Variants in ASTN1 observed in about 807,000 individuals in gnomAD.
The protein encoded by ASTN1 is astrotactin-1.
In ASTN1, 41 loss-of-function variants were observed where a neutral mutation model predicts 140.7. The ratio of observed to expected loss-of-function variants is 0.29; its 90% CI spans 0.23 to 0.38. ASTN1 has a LOEUF of 0.38. ASTN1 is among the 10% of genes least tolerant of loss of function. ASTN1 has a pLI of 1.00. For synonymous variants in ASTN1, 640 were observed against 652.2 expected (o/e 0.98, Z 0.29); for missense variants, 1,479 against 1,678.8 (o/e 0.88, Z 2.08).
chr1:176,926,288 CAA>C (rs3041009), intron 16 of ASTN1, among the ~76,000 whole-genome samples: 26,809 of 131,192 alleles, frequency 0.2, 2,575 homozygotes, highest in African/African-American at 0.29. Flanking sequence ...AGTGCCTGCT[CAA>C]AAAAAAAAAA....
intron 16 of ASTN1, among the ~76,000 whole-genome samples, chr1:176,906,578 G>A (rs934327274): frequency 2.0e-5 from 3 of 152,154 alleles, no homozygotes; most frequent in African/African-American, 7.2e-5. Flanking sequence ...TTTGCGATGG[G>A]CCTCGTGGTT....
intron 1 of ASTN1, among the ~76,000 whole-genome samples, chr1:177,150,189 T>C (rs1682965827): frequency 6.6e-6 from 1 of 152,050 alleles, no homozygotes; most frequent in African/African-American, 2.4e-5. Context: ...AGTTGGGAGC[T>C]TAACTACCTT....
chr1:176,893,611 C>T (rs765650584), intron 17 of ASTN1, among the ~76,000 whole-genome samples: 8 of 152,214 alleles, frequency 5.3e-5, no homozygotes, highest in Non-Finnish European at 1.2e-4. Flanking sequence ...GAAACAAACA[C>T]CAGGTGTTCC....
At chr1:176,878,207 C>A (rs752222235) in intron 20 of ASTN1, among the ~76,000 whole-genome samples, 8 of 152,202 alleles carry the variant, frequency 5.3e-5, no homozygotes, top group Non-Finnish European at 7.3e-5. Flanking sequence ...CACCTGCTGG[C>A]CTCCTGCAGG....
chr1:177,081,847 A>C (rs185631168), intron 1 of ASTN1, among the ~76,000 whole-genome samples: 1 of 152,304 alleles, frequency 6.6e-6, no homozygotes, highest in East Asian at 1.9e-4. Context: ...GAGTCAAGCT[A>C]AGAGTGGTTT....
Position 176,864,144 on chromosome 1 carries a change from G to A in ASTN1, c.*140C>T. 1 of 1,494,162 alleles carries A rather than the reference G, an allele frequency of 6.7e-7. No homozygotes were observed. The highest frequency in any genetic ancestry group is 8.8e-7 in the Non-Finnish European group (1 of 1,129,966). The allele number at this position is 1,494,162 out of a possible 1,614,324, so 92.6% of individuals were successfully genotyped here. A position where few individuals can be genotyped will look rare whatever the true frequency, so the allele number is the denominator to read the frequency against. ...CTGAAGAAGTTCTGCAGGGAGCAAGGATCACTTTCTCCCTGGTTTCGATGT... is the reference window on the plus strand; with the variant it reads ...CTGAAGAAGTTCTGCAGGGAGCAAGAATCACTTTCTCCCTGGTTTCGATGT... On this transcript the variant is annotated 3_prime_UTR_variant, in exon 23 of 23. Transcript: ENST00000361833.
chr1:176,949,066 C>T, intron 12 of ASTN1, 119 bp downstream of exon 12: 5 of 1,385,084 alleles, frequency 3.6e-6, no homozygotes, highest in Non-Finnish European at 4.9e-6. Context: ...GCTCTTTCCT[C>T]AGAGACTAAG....
chr1:176,969,599 G>A (rs1458517522), intron 8 of ASTN1, among the ~76,000 whole-genome samples: 2 of 152,146 alleles, frequency 1.3e-5, no homozygotes, highest in African/African-American at 4.8e-5. Flanking sequence ...CAGCATTATT[G>A]AGCAGACTGT....
In ASTN1 at chr1:177,061,188, G is replaced by A. The variant is rs1485620000; in HGVS notation, c.361C>T (p.His121Tyr). 1 of 1,610,534 alleles carries A rather than the reference G, an allele frequency of 6.2e-7. No homozygotes were observed. The highest frequency in any genetic ancestry group is 8.5e-7 in the Non-Finnish European group (1 of 1,178,520). The change falls in exon 2 of 23, where the codon CAC becomes TAC. Residue 121 changes from histidine to tyrosine, a missense_variant. Coordinates refer to ENST00000361833, the MANE Select transcript of ASTN1 (RefSeq NM_004319.3). Reference protein sequence around the residue: ...QWLENGTLLFHIHHQDGAPSL... With the variant: ...QWLENGTLLFYIHHQDGAPSL... ...GGGGCACCATCTTGGTGATGAATGT[G>A]AAAAAGCAAAGTGCCATTCTCCAGC...
intron 1 of ASTN1, among the ~76,000 whole-genome samples, chr1:177,078,384 C>G (rs1383160680): frequency 1.3e-5 from 2 of 152,160 alleles, no homozygotes; most frequent in Non-Finnish European, 2.9e-5. Context: ...CTGTAAGCAA[C>G]AGTGCTCACC....
intron 1 of ASTN1, among the ~76,000 whole-genome samples, chr1:177,062,394 C>T (rs1248761197): frequency 6.6e-6 from 1 of 151,824 alleles, no homozygotes; most frequent in Non-Finnish European, 1.5e-5. Flanking sequence ...ACACACCACA[C>T]CATGCTCAGC....
intron 2 of ASTN1, among the ~76,000 whole-genome samples, chr1:177,058,752 T>C (rs1677931093): frequency 6.6e-6 from 1 of 152,122 alleles, no homozygotes; most frequent in South Asian, 2.1e-4. Context: ...GAGTAAGTTC[T>C]TTAGTGGTGA....
chr1:176,985,735 CTGA>C (rs2101888566), intron 8 of ASTN1, among the ~76,000 whole-genome samples: 1 of 152,182 alleles, frequency 6.6e-6, no homozygotes, highest in East Asian at 1.9e-4. Flanking sequence ...TCCTGTCCTT[CTGA>C]GGTATAGGTA....
At chr1:177,122,669 C>T (rs1681460926) in intron 1 of ASTN1, among the ~76,000 whole-genome samples, 1 of 152,170 alleles carries the variant, frequency 6.6e-6, no homozygotes, top group Non-Finnish European at 1.5e-5. Flanking sequence ...CGCATCTGGC[C>T]ACTCCACACT....
At chr1:176,897,569 G>A (rs1669572392) in intron 16 of ASTN1, among the ~76,000 whole-genome samples, 2 of 148,654 alleles carry the variant, frequency 1.3e-5, no homozygotes, top group Non-Finnish European at 3.0e-5. Flanking sequence ...GTGAGCGGGA[G>A]GAAAAAAAAA....
rs139410616 is a variant in ASTN1 at position 177,133,591 on chromosome 1, C to T, written c.283+30803G>A. Among the ~76,000 whole-genome samples the T allele has an allele frequency of 7.5e-4, 114 of 152,248 alleles. 2 individuals are homozygous for T. The highest frequency in any genetic ancestry group is 2.5e-3 in the African/African-American group (105 of 41,554). On this transcript the variant is annotated intron_variant, in intron 1 of 22. Coordinates refer to ENST00000361833, the MANE Select transcript of ASTN1 (RefSeq NM_004319.3). ...TATATCTTGTCATTAATAATACTTG[C>T]ACACTGATATCATCAGAGCAAAGGC...
At chr1:176,884,776 G>C (rs1317555954) in intron 18 of ASTN1, among the ~76,000 whole-genome samples, 3 of 152,216 alleles carry the variant, frequency 2.0e-5, no homozygotes, top group Non-Finnish European at 2.9e-5. Flanking sequence ...TATTACATGG[G>C]TCAGAGGATA....
At chr1:176,868,498 C>T (rs1310878930) in intron 22 of ASTN1, among the ~76,000 whole-genome samples, 1 of 152,182 alleles carries the variant, frequency 6.6e-6, no homozygotes, top group Non-Finnish European at 1.5e-5. Context: ...TTTAGATATC[C>T]TCTTTAATAA....
At chr1:176,927,541 T>A (rs1172726265) in intron 16 of ASTN1, among the ~76,000 whole-genome samples, 1 of 152,242 alleles carries the variant, frequency 6.6e-6, no homozygotes, top group Non-Finnish European at 1.5e-5. Flanking sequence ...AAAATCAGTT[T>A]CCTTTTTTCT....
Sources: gnomAD v4.1 joint callset for allele counts (sites outside exome capture counted in the v4.1 genomes callset) on GRCh38, gnomAD v4.1.1 for gene constraint, MANE v1.5 for transcripts, NCBI Gene and HGNC (gene_info 2026-07-23, HGNC 2026-07-21) for gene names.